The following EP300 variants were observed in gnomAD, a reference collection of about 807,000 sequenced individuals.
The protein encoded by EP300 is EP300 lysine acetyltransferase.
Under a neutral mutation model 264.0 loss-of-function variants are expected in EP300, and 31 were observed. The ratio of observed to expected loss-of-function variants is 0.12; its 90% CI spans 0.09 to 0.16. EP300 has a LOEUF of 0.16. Among genes scored for constraint, EP300 ranks in the 10% least tolerant of loss-of-function variants. The probability of loss-of-function intolerance (pLI) is 1.00; values close to 1 mark genes in which losing one functional copy is unlikely to be tolerated. For missense variants in EP300, 2,766 were observed against 3,052.9 expected (o/e 0.91, Z 2.21); for synonymous variants, 1,340 against 1,045.4 (o/e 1.28, Z -5.44).
chr22:41,141,802 G>A (rs1029293212), intron 10 of EP300, among the ~76,000 whole-genome samples: 18 of 151,824 alleles, frequency 1.2e-4, no homozygotes, highest in African/African-American at 2.4e-4. Flanking sequence ...TCAGCCTTCC[G>A]AGTAGCTGGG....
chr22:41,164,161 AT>A, intron 22 of EP300, 31 bp downstream of exon 22: 1 of 1,599,410 alleles, frequency 6.3e-7, no homozygotes. Context: ...TTTCTCTGGA[AT>A]TTTTCTTTAT....
At chr22:41,161,699 A>T (rs1016536657) in intron 20 of EP300, among the ~76,000 whole-genome samples, 2 of 152,216 alleles carry the variant, frequency 1.3e-5, no homozygotes, top group Admixed American at 1.3e-4. Flanking sequence ...TCTAAGAAGG[A>T]AAAACTGTTC....
chr22:41,173,968 G>T (rs1010272672), intron 29 of EP300, among the ~76,000 whole-genome samples, 184 bp downstream of exon 29: 10 of 151,930 alleles, frequency 6.6e-5, no homozygotes, highest in African/African-American at 2.4e-4. Flanking sequence ...AAATTAGCTG[G>T]GCATGGTGGC....
intron 28 of EP300, 111 bp downstream of exon 28, chr22:41,172,774 T>C (rs2059178204): frequency 8.5e-7 from 1 of 1,174,474 alleles, no homozygotes; most frequent in African/African-American, 1.5e-5. Flanking sequence ...AAAAGAGCTC[T>C]TTAAGTTGGA....
At chr22:41,167,612 A>G (rs867174662) in intron 23 of EP300, among the ~76,000 whole-genome samples, 3,573 of 49,722 alleles carry the variant, frequency 0.072, 321 homozygotes, top group East Asian at 0.14. Flanking sequence ...ATATATATAT[A>G]TATATATATA....
Position 41,166,460 on chromosome 22 carries a change from TTGTG to T in EP300, c.3807-137_3807-134del, listed in dbSNP as rs1253140204. 21 of 655,422 alleles carry T rather than the reference TTGTG, an allele frequency of 3.2e-5. 1 individual carries two copies. In the African/African-American group the frequency reaches 3.7e-4, roughly 11 times the overall value. The allele number at this position is 655,422 out of a possible 1,614,324, so 40.6% of individuals were successfully genotyped here. A position where few individuals can be genotyped will look rare whatever the true frequency, so the allele number is the denominator to read the frequency against. Reference sequence around the variant, plus strand: ...ATTCTTACTGATTTCTAAAAGCTCTTTGTGTATTAGTTTTATTAACTCTTCATTA... The same window carrying T: ...ATTCTTACTGATTTCTAAAAGCTCTTTATTAGTTTTATTAACTCTTCATTA... On this transcript the variant is annotated intron_variant, in intron 22 of 30. Transcript: ENST00000263253.
intron 5 of EP300, among the ~76,000 whole-genome samples, chr22:41,130,360 C>G (rs75719186): frequency 0.087 from 13,256 of 151,904 alleles, 824 homozygotes; most frequent in Non-Finnish European, 0.13. Context: ...CAAGACCAGC[C>G]TAGGCAACTT....
At chr22:41,134,379 G>A (rs1206606241) in intron 6 of EP300, among the ~76,000 whole-genome samples, 3 of 152,034 alleles carry the variant, frequency 2.0e-5, no homozygotes, top group Non-Finnish European at 4.4e-5. Flanking sequence ...GTGTGTGTGT[G>A]TGAGATTGGT....
intron 1 of EP300, among the ~76,000 whole-genome samples, chr22:41,105,245 G>A (rs889291317): frequency 2.0e-5 from 3 of 148,196 alleles, no homozygotes; most frequent in African/African-American, 7.4e-5. Flanking sequence ...GCAGGCGCCT[G>A]TAGTCCCAGC....
At position 41,092,741 on chromosome 22, in the gene EP300, C is replaced by T. The variant is rs2058679494; in HGVS notation, c.-264C>T. 8.2e-6 allele frequency: 5 copies of T among 609,716 alleles called. No homozygotes were observed. Among genetic ancestry groups the T allele is most frequent in the African/African-American group, 1.9e-5 (1 of 53,606 alleles). The allele number at this position is 609,716 out of a possible 1,614,324, so 37.8% of individuals were successfully genotyped here. On this transcript the variant is annotated 5_prime_UTR_variant, in exon 1 of 31. Transcript: ENST00000263253. The stretch of plus-strand genomic sequence containing the variant: ...TCGGGAATTCGCCGCAGCGGACGCG[C>T]TCGGCGAATTTGTGCTCTTGTGCCC...
chr22:41,130,830 C>A (rs915733034), intron 5 of EP300, among the ~76,000 whole-genome samples: 1 of 149,804 alleles, frequency 6.7e-6, no homozygotes, highest in African/African-American at 2.5e-5. Flanking sequence ...AGAGAAAAGA[C>A]GAGATTAACA....
chr22:41,102,356 G>A (rs1025304140), intron 1 of EP300, among the ~76,000 whole-genome samples: 1 of 152,112 alleles, frequency 6.6e-6, no homozygotes, highest in African/African-American at 2.4e-5. Context: ...TGTCTTTGAG[G>A]AATTGTGTCT....
chr22:41,178,421 G>T lies in EP300; in HGVS notation c.6710G>T (p.Gly2237Val). 6.2e-7 allele frequency: 1 copy of T among 1,614,116 alleles called. No individual in the cohort carries two copies. Among genetic ancestry groups the T allele is most frequent in the South Asian group, 1.1e-5 (1 of 91,086 alleles). The stretch of plus-strand genomic sequence containing the variant: ...CATCACATGCAACAGATGCAACAAG[G>T]AAATATGGGACAGATAGGCCAGCTT... ...MQHHMQQMQQ[G>V]NMGQIGQLPQ... The change falls in exon 31 of 31, where the codon GGA becomes GTA. Residue 2237 changes from glycine to valine, a missense_variant. By Grantham distance (109) the Gly-to-Val change is moderately radical. Transcript: ENST00000263253.
At position 41,177,839 on chromosome 22, in the gene EP300, C is replaced by G; in HGVS notation, c.6128C>G (p.Pro2043Arg). The change falls in exon 31 of 31, where the codon CCA becomes CGA. Residue 2043 changes from proline (P) to arginine (R), a missense_variant. Physicochemically the swap from Pro to Arg is moderately radical, Grantham distance 103. Coordinates refer to ENST00000263253, the MANE Select transcript of EP300 (RefSeq NM_001429.4). ...CAGGTAGGTATCAGCCCACTCAAAC[C>G]AGGCACTGTGTCTCAACAAGCCTTA... is the stretch of plus-strand genomic sequence containing the variant. ...LGQVGISPLK[P>R]GTVSQQALQN... 1.9e-6 allele frequency: 3 copies of G among 1,614,144 alleles called. No individual in the cohort carries two copies. Among genetic ancestry groups the G allele is most frequent in the Non-Finnish European group, 2.5e-6 (3 of 1,180,024 alleles).
chr22:41,092,778 T>C lies in EP300; in HGVS notation c.-227T>C. On this transcript the variant is annotated 5_prime_UTR_variant, in exon 1 of 31. Transcript: ENST00000263253. ...GTGCTCTTGTGCCCTCCTCCGGGCT[T>C]GGGCCCAGGCCCGGCCCCTCGCACT... 1 of 627,170 alleles carries C rather than the reference T, an allele frequency of 1.6e-6. No individual in the cohort carries two copies. 38.9% of individuals were successfully genotyped at this position (627,170 alleles called of 1,614,324 possible). A position where few individuals can be genotyped will look rare whatever the true frequency, so the allele number is the denominator to read the frequency against.
intron 1 of EP300, among the ~76,000 whole-genome samples, chr22:41,112,656 G>C (rs561564141): frequency 6.6e-6 from 1 of 151,616 alleles, no homozygotes; most frequent in South Asian, 2.1e-4. Flanking sequence ...CTGTGTCCAT[G>C]AAGAAGATTG....
At position 41,151,955 on chromosome 22, in the gene EP300, C is replaced by T; in HGVS notation, c.2940C>T (p.Ala980=). ...CTTCCCAGGAAGTGAAGATGGAGGC[C>T]AAAATGGAAGTGGATCAACCAGAAC... ...KQPSQEVKME[A]KMEVDQPEPA... is the part of the protein sequence containing the mutation. The change falls in exon 15 of 31, where the codon GCC becomes GCT. Residue 980 remains alanine (A), a synonymous_variant. Transcript: ENST00000263253. The T allele has an allele frequency of 6.2e-7, 1 of 1,614,082 alleles. No homozygotes were observed. Among genetic ancestry groups the T allele is most frequent in the Non-Finnish European group, 8.5e-7 (1 of 1,180,018 alleles).
At chr22:41,130,646 T>C (rs2058913449) in intron 5 of EP300, among the ~76,000 whole-genome samples, 1 of 152,226 alleles carries the variant, frequency 6.6e-6, no homozygotes, top group Non-Finnish European at 1.5e-5. Context: ...GGTAAATTTA[T>C]GTTCTGCTTT....
rs754582079 is a variant in EP300, at chr22:41,149,039, C to G, written c.2243C>G (p.Pro748Arg). ...ATTTGTGTTTTTTTTTTTTTTCAGC[C>G]TATGGGCTATGGGCCTCGTATGCAA... ...QLAQPGALNP[P>R]MGYGPRMQQP... Residue 748 changes from proline to arginine, a missense_variant and splice_region_variant, in exon 13 of 31, where the codon CCT becomes CGT. Pro to Arg is a moderately radical substitution (Grantham distance 103). Transcript: ENST00000263253. 6.2e-7 allele frequency: 1 copy of G among 1,611,828 alleles called. No homozygotes were observed. Among genetic ancestry groups the G allele is most frequent in the Non-Finnish European group, 8.5e-7 (1 of 1,179,414 alleles).
Sources: allele counts gnomAD v4.1 joint callset (sites outside exome capture counted in the v4.1 genomes callset), GRCh38; gene constraint gnomAD v4.1.1; transcripts MANE v1.5; gene names NCBI Gene and HGNC (gene_info 2026-07-23, HGNC 2026-07-21).